The following AHNAK variants were observed in gnomAD, a reference collection of about 807,000 sequenced individuals.
AHNAK encodes neuroblast differentiation-associated protein AHNAK.
A neutral mutation model predicts 37.8 loss-of-function variants in AHNAK; 23 were observed. The observed-to-expected ratio is 0.61, with a 90% confidence interval of 0.44 to 0.86. The LOEUF is 0.86. Among genes scored for constraint, AHNAK ranks in the 40% least tolerant of loss-of-function variants. AHNAK has a pLI of 0.00. For synonymous variants in AHNAK, 2,481 were observed against 2,636.3 expected (o/e 0.94, Z 1.80); for missense variants, 7,411 against 7,319.4 (o/e 1.01, Z -0.46).
rs776046812 is a variant in AHNAK, at chr11:62,522,075, G to A, written c.12342C>T (p.Gly4114=). Residue 4114 remains glycine, a synonymous_variant, in exon 5 of 5, where the codon GGC becomes GGT. Coordinates refer to ENST00000378024, the MANE Select transcript of AHNAK (RefSeq NM_001620.3). ...DIHGPEGKLK[G]PKFKMPDLHL... is the part of the protein sequence containing the mutation. ...GCAGGTCAGGCATTTTAAATTTGGGGCCCTTCAGTTTCCCTTCTGGACCAT... is the reference window on the plus strand; with the variant it reads ...GCAGGTCAGGCATTTTAAATTTGGGACCCTTCAGTTTCCCTTCTGGACCAT... The A allele has an allele frequency of 4.3e-6, 7 of 1,613,620 alleles. No individual in the cohort carries two copies. The highest frequency in any genetic ancestry group is 2.7e-5 in the African/African-American group (2 of 74,750).
At chr11:62,440,159 C>G (rs1356082110) in intron 5 of AHNAK, among the ~76,000 whole-genome samples, 1 of 152,150 alleles carries the variant, frequency 6.6e-6, no homozygotes, top group Non-Finnish European at 1.5e-5. Flanking sequence ...ATCAAGGGCC[C>G]TGAGGGAAAA....
rs761844400 is a variant in AHNAK at position 62,517,946 on chromosome 11, T to C, written c.16471A>G (p.Asn5491Asp). ...PGIGVQGLEGNLQMPGIKSSG... is the reference protein window; with the variant it reads ...PGIGVQGLEGDLQMPGIKSSG... ...GACTTAATTCCAGGCATCTGGAGGT[T>C]TCCTTCTAGGCCTTGAACACCAATG... The change falls in exon 5 of 5, where the codon AAC (asparagine) becomes GAC (aspartate). Residue 5491 changes from asparagine (N) to aspartate (D), a missense_variant. Physicochemically the swap from Asn to Asp is conservative, Grantham distance 23. Coordinates refer to ENST00000378024, the MANE Select transcript of AHNAK (RefSeq NM_001620.3). 1.9e-6 allele frequency: 3 copies of C among 1,614,166 alleles called. No homozygotes were observed. The highest frequency in any genetic ancestry group is 2.5e-6 in the Non-Finnish European group (3 of 1,180,030).
chr11:62,538,098 C>T (rs547540624), intron 1 of AHNAK, among the ~76,000 whole-genome samples: 2 of 152,140 alleles, frequency 1.3e-5, no homozygotes, highest in Non-Finnish European at 2.9e-5. Flanking sequence ...CCCTCAGAGA[C>T]AGAGACTTGG....
At chr11:62,534,119 G>A (rs1362616163) in intron 4 of AHNAK, 45 bp from the exon 5 acceptor site, 1 of 1,502,514 alleles carries the variant, frequency 6.7e-7, no homozygotes, top group Non-Finnish European at 8.8e-7. Flanking sequence ...GAGTCTGCCT[G>A]AGTTAGCAGA....
chr11:62,515,982 G>A lies in AHNAK; in HGVS notation c.*762C>T, dbSNP rs1225624734. On this transcript the variant is annotated 3_prime_UTR_variant, in exon 5 of 5. Coordinates refer to ENST00000378024, the MANE Select transcript of AHNAK (RefSeq NM_001620.3). ...TCAGTTAATTGGCCATTAAAGTGCT[G>A]GAAATTTTCTTAATCATGATAACAT... The A allele has an allele frequency of 8.6e-7, 1 of 1,166,806 alleles. No individual in the cohort carries two copies. Among genetic ancestry groups the A allele is most frequent in the East Asian group, 5.9e-5 (1 of 17,080 alleles). 72.3% of individuals were successfully genotyped at this position (1,166,806 alleles called of 1,614,324 possible).
chr11:62,462,891 G>A (rs924819131), intron 5 of AHNAK, among the ~76,000 whole-genome samples: 14 of 152,168 alleles, frequency 9.2e-5, no homozygotes, highest in Admixed American at 5.2e-4. Context: ...AGCACTTTGG[G>A]AGGCTGAGGC....
At chr11:62,483,634 G>A (rs543029499) in intron 5 of AHNAK, among the ~76,000 whole-genome samples, 58 of 151,870 alleles carry the variant, frequency 3.8e-4, no homozygotes, top group Non-Finnish European at 7.1e-4. Flanking sequence ...CGAGGCAGGC[G>A]GATCATGAGG....
downstream of AHNAK, among the ~76,000 whole-genome samples, chr11:62,515,481 C>T (rs1385508041): frequency 6.6e-6 from 1 of 152,242 alleles, no homozygotes; most frequent in Non-Finnish European, 1.5e-5. Flanking sequence ...TGTGCCACTG[C>T]ACTCCAGCCT....
chr11:62,532,513 G>T lies in AHNAK; in HGVS notation c.1904C>A (p.Thr635Lys), dbSNP rs146013258. 6.2e-7 allele frequency: 1 copy of T among 1,612,968 alleles called. No individual in the cohort carries two copies. The highest frequency in any genetic ancestry group is 1.1e-5 in the South Asian group (1 of 90,992). The stretch of plus-strand genomic sequence containing the variant: ...CCCTTTGGCTCCTGGAGTGCTGAAC[G>T]TGGGCATTTTCATCTTGGGCATTTT... Reference protein sequence around the residue: ...NLKMPKMKMPTFSTPGAKGEG... With the variant: ...NLKMPKMKMPKFSTPGAKGEG... Residue 635 changes from threonine to lysine, a missense_variant, in exon 5 of 5, where the codon ACG (threonine) becomes AAG (lysine). By Grantham distance (78) the Thr-to-Lys change is moderately conservative. Coordinates refer to ENST00000378024, the MANE Select transcript of AHNAK (RefSeq NM_001620.3).
rs1940386322 is a variant in AHNAK at position 62,524,289 on chromosome 11, T to C, written c.10128A>G (p.Pro3376=). Residue 3376 remains proline (P), a synonymous_variant, in exon 5 of 5, where the codon CCA becomes CCG. Transcript: ENST00000378024. The part of the protein sequence containing the change: ...TPEVDVKGKK[P]DIDITGPKVD... ...CTTTTGGACCTGTTATGTCAATATC[T>C]GGCTTTTTACCTTTGACATCCACTT... 3.7e-6 allele frequency: 6 copies of C among 1,613,904 alleles called. No individual in the cohort carries two copies. The highest frequency in any genetic ancestry group is 5.1e-6 in the Non-Finnish European group (6 of 1,179,974).
intron 5 of AHNAK, among the ~76,000 whole-genome samples, chr11:62,458,328 C>T (rs1314579348): frequency 3.9e-5 from 6 of 152,192 alleles, no homozygotes; most frequent in African/African-American, 1.2e-4. Context: ...TTCATCCCCA[C>T]GTCAGAAGGT....
chr11:62,530,376 C>G lies in AHNAK; in HGVS notation c.4041G>C (p.Glu1347Asp). ...LKGDVDVSLPEVEGEMKVPDV... is the reference protein window; with the variant it reads ...LKGDVDVSLPDVEGEMKVPDV... Reference sequence around the variant, plus strand: ...CTGGCACTTTCATTTCACCTTCTACCTCAGGCAAGGACACATCCACATCTC... The same window carrying G: ...CTGGCACTTTCATTTCACCTTCTACGTCAGGCAAGGACACATCCACATCTC... The change falls in exon 5 of 5, where the codon GAG becomes GAC. Residue 1347 changes from glutamate (E) to aspartate (D), a missense_variant. By Grantham distance (45) the Glu-to-Asp change is conservative (BLOSUM62 2). Transcript: ENST00000378024. The G allele has an allele frequency of 6.2e-7, 1 of 1,614,032 alleles. No individual in the cohort carries two copies. The highest frequency in any genetic ancestry group is 8.5e-7 in the Non-Finnish European group (1 of 1,180,016).
At chr11:62,438,149 G>A (rs1022532974) in intron 5 of AHNAK, among the ~76,000 whole-genome samples, 1 of 147,262 alleles carries the variant, frequency 6.8e-6, no homozygotes. Flanking sequence ...ATCCTCTTTT[G>A]TTAGTGCCTG....
At position 62,523,852 on chromosome 11, in the gene AHNAK, G is replaced by A. The variant is rs779201811; in HGVS notation, c.10565C>T (p.Pro3522Leu). 1.5e-5 allele frequency: 24 copies of A among 1,613,962 alleles called. No individual in the cohort carries two copies. The highest frequency in any genetic ancestry group is 1.0e-4 in the Admixed American group (6 of 59,992). Residue 3522 changes from proline (P) to leucine (L), a missense_variant, in exon 5 of 5, where the codon CCG becomes CTG. Physicochemically the swap from Pro to Leu is moderately conservative, Grantham distance 98. Transcript: ENST00000378024. ...TTTGGGACCTTTCAAGCCTCCCTCCGGACCTTCCACATTGAGATCTGGGCC... is the reference window on the plus strand; with the variant it reads ...TTTGGGACCTTTCAAGCCTCCCTCCAGACCTTCCACATTGAGATCTGGGCC... ...IEGPDLNVEG[P>L]EGGLKGPKFK... is the part of the protein sequence containing the mutation.
At position 62,536,024 on chromosome 11, in the gene AHNAK, G is replaced by T; in HGVS notation, c.75C>A (p.Ile25=). The change falls in exon 3 of 5, where the codon ATC becomes ATA. Residue 25 remains isoleucine (I), a synonymous_variant. Coordinates refer to ENST00000378024, the MANE Select transcript of AHNAK (RefSeq NM_001620.3). ...CAAAGACGCCGTCGTCCCTCTGGGC[G>T]ATGGTCAGCCCGTGGGAGCCACTAC... ...WQGSGSHGLT[I]AQRDDGVFVQ... 6.2e-7 allele frequency: 1 copy of T among 1,612,546 alleles called. No homozygotes were observed. Among genetic ancestry groups the T allele is most frequent in the Non-Finnish European group, 8.5e-7 (1 of 1,179,196 alleles).
chr11:62,437,081 G>T (rs987715963), intron 5 of AHNAK, among the ~76,000 whole-genome samples: 1 of 152,060 alleles, frequency 6.6e-6, no homozygotes, highest in South Asian at 2.1e-4. Flanking sequence ...ACCCCAAAAC[G>T]TTCCCTCATG....
rs780408042 is a variant in AHNAK, at chr11:62,524,667, T to C, written c.9750A>G (p.Gly3250=). ...TTGGGCCTTTTATGTCAAGAGCAGG[T>C]CCTTTCAAATCACCTTCTACATTTG... The part of the protein sequence containing the change: ...SLANVEGDLK[G]PALDIKGPKI... Residue 3250 remains glycine, a synonymous_variant, in exon 5 of 5, where the codon GGA becomes GGG. Transcript: ENST00000378024. 2 of 1,614,210 alleles carry C rather than the reference T, an allele frequency of 1.2e-6. No homozygotes were observed. The highest frequency in any genetic ancestry group is 8.5e-7 in the Non-Finnish European group (1 of 1,180,036).
intron 4 of AHNAK, chr11:62,491,865 A>G: frequency 6.4e-7 from 1 of 1,571,586 alleles, no homozygotes; most frequent in Non-Finnish European, 8.7e-7. Context: ...CAGGTCACTC[A>G]TCAAATCATC....
rs775869685 is a variant in AHNAK, at chr11:62,533,928, A to C, written c.489T>G (p.Asp163Glu). The C allele has an allele frequency of 3.1e-6, 5 of 1,614,062 alleles. No homozygotes were observed. The East Asian group carries it at 8.9e-5, about 29-fold the overall frequency. The change falls in exon 5 of 5, where the codon GAT becomes GAG. Residue 163 changes from aspartate to glutamate, a missense_variant. Transcript: ENST00000378024. ...CCTTGGCTCCTTCCCGGCCAGTCACATCCACAGTGTAGGCCGTGACCCTTC... is the reference window on the plus strand; with the variant it reads ...CCTTGGCTCCTTCCCGGCCAGTCACCTCCACAGTGTAGGCCGTGACCCTTC... ...VTRRVTAYTVDVTGREGAKDI... is the reference protein window; with the variant it reads ...VTRRVTAYTVEVTGREGAKDI...
Sources: gnomAD v4.1 joint callset for allele counts (sites outside exome capture counted in the v4.1 genomes callset) on GRCh38, gnomAD v4.1.1 for gene constraint, MANE v1.5 for transcripts, NCBI Gene and HGNC (gene_info 2026-07-23, HGNC 2026-07-21) for gene names.